The following TTC39B variants were observed in gnomAD, a reference collection of about 807,000 sequenced individuals.
The protein encoded by TTC39B is tetratricopeptide repeat protein 39B.
A neutral mutation model predicts 96.6 loss-of-function variants in TTC39B; 92 were observed. The ratio of observed to expected loss-of-function variants is 0.95; its 90% CI spans 0.80 to 1.13. TTC39B has a LOEUF of 1.13. Among genes scored for constraint, TTC39B ranks in the 50% most tolerant of loss-of-function variants. TTC39B has a pLI of 0.00. For missense variants in TTC39B, 955 were observed against 809.3 expected (o/e 1.18, Z -2.18); for synonymous variants, 367 against 299.4 (o/e 1.23, Z -2.33).
At chr9:15,215,389 C>T (rs933860153) in intron 3 of TTC39B, among the ~76,000 whole-genome samples, 1 of 151,744 alleles carries the variant, frequency 6.6e-6, no homozygotes, top group East Asian at 1.9e-4. Flanking sequence ...GAAACCCCGT[C>T]TCTACTAAAA....
At chr9:15,174,445 T>C (rs1267708313) in intron 19 of TTC39B, among the ~76,000 whole-genome samples, 2 of 152,188 alleles carry the variant, frequency 1.3e-5, no homozygotes, top group African/African-American at 4.8e-5. Context: ...GTCTAAAAGC[T>C]ATTGTCTACC....
At chr9:15,259,188 C>A (rs1822859301) in intron 2 of TTC39B, among the ~76,000 whole-genome samples, 1 of 152,122 alleles carries the variant, frequency 6.6e-6, no homozygotes. Flanking sequence ...TATCCCTAAC[C>A]CCAAGATACA....
rs574145226 is a variant in TTC39B at position 15,228,890 on chromosome 9, A to G, written c.276-2878T>C. 4.6e-5 allele frequency among the ~76,000 whole-genome samples: 7 copies of G among 152,340 alleles called. No individual in the cohort carries two copies. In the South Asian group the frequency reaches 1.2e-3, roughly 27 times the overall value. On this transcript the variant is annotated intron_variant, in intron 2 of 19. Transcript: ENST00000512701. ...AACAAAATAATGTTACATTTTATTC[A>G]TCTTTTCTGAGGTATAAAAGATTAG...
chr9:15,186,943 C>A lies in TTC39B; in HGVS notation c.1487+1G>T. On this transcript the variant is annotated splice_donor_variant, in intron 15 of 19. Coordinates refer to ENST00000512701, the Ensembl canonical transcript of TTC39B. LOFTEE classifies it high-confidence loss of function. ...TGTTATAGGAATAGTGTCTCACATA[C>A]CTGAATAAAGTTACCACATTCTCAT... The A allele has an allele frequency of 6.2e-7, 1 of 1,613,132 alleles. No individual in the cohort carries two copies. The highest frequency in any genetic ancestry group is 8.5e-7 in the Non-Finnish European group (1 of 1,179,252).
intron 2 of TTC39B, among the ~76,000 whole-genome samples, chr9:15,255,467 G>A (rs945932861): frequency 2.6e-5 from 4 of 152,110 alleles, no homozygotes; most frequent in African/African-American, 9.7e-5. Flanking sequence ...AAGCAATGAA[G>A]AAGTTTGGCG....
At chr9:15,199,770 C>CAAAAAAAAA in intron 8 of TTC39B, 91 bp downstream of exon 8, 1 of 127,364 alleles carries the variant, frequency 7.9e-6, no homozygotes, top group Non-Finnish European at 1.7e-5. Context: ...AAAAAAAAAT[C>CAAAAAAAAA]CTAGTCAAAC....
chr9:15,195,100 C>T (rs1819078559), intron 8 of TTC39B, among the ~76,000 whole-genome samples: 1 of 152,142 alleles, frequency 6.6e-6, no homozygotes, highest in African/African-American at 2.4e-5. Flanking sequence ...CTTGTAAGTG[C>T]AAAAGAAAAG....
chr9:15,200,000 G>C, intron 7 of TTC39B, 75 bp from the exon 8 acceptor site: 1 of 791,756 alleles, frequency 1.3e-6, no homozygotes, highest in Non-Finnish European at 2.0e-6. Context: ...GTGTGTTTGT[G>C]TGATTAGAAA....
At chr9:15,176,248 A>G (rs938557803) in intron 18 of TTC39B, among the ~76,000 whole-genome samples, 1 of 152,236 alleles carries the variant, frequency 6.6e-6, no homozygotes, top group Admixed American at 6.5e-5. Context: ...CCACAATTAT[A>G]AAGCACATGA....
intron 1 of TTC39B, among the ~76,000 whole-genome samples, chr9:15,292,729 A>G (rs986216348): frequency 1.3e-5 from 2 of 152,208 alleles, no homozygotes; most frequent in Admixed American, 6.5e-5. Context: ...AAAGTTTACA[A>G]GTAAGAGTAA....
At chr9:15,204,969 T>C (rs1346444752) in intron 6 of TTC39B, among the ~76,000 whole-genome samples, 3 of 152,224 alleles carry the variant, frequency 2.0e-5, no homozygotes, top group African/African-American at 7.2e-5. Context: ...AGTCAGCAGA[T>C]TCTTGCTCTA....
chr9:15,177,921 G>C (rs1237851589), intron 17 of TTC39B, 107 bp from the exon 18 acceptor site: 2 of 622,346 alleles, frequency 3.2e-6, no homozygotes, highest in Non-Finnish European at 5.1e-6. Flanking sequence ...CCAGGCTGGA[G>C]TGCAGTGGCG....
chr9:15,203,229 G>A (rs967042449), intron 7 of TTC39B, among the ~76,000 whole-genome samples: 6 of 152,048 alleles, frequency 3.9e-5, no homozygotes, highest in African/African-American at 7.2e-5. Flanking sequence ...TAGATGTGAC[G>A]GTTGCAAAGC....
At chr9:15,222,219 G>T (rs1027604054) in intron 3 of TTC39B, among the ~76,000 whole-genome samples, 5 of 152,184 alleles carry the variant, frequency 3.3e-5, no homozygotes, top group Non-Finnish European at 1.5e-5. Flanking sequence ...ACACAAAGGA[G>T]GTAAAAGCTA....
At chr9:15,257,403 G>C (rs1435670146) in intron 2 of TTC39B, among the ~76,000 whole-genome samples, 1 of 152,030 alleles carries the variant, frequency 6.6e-6, no homozygotes, top group African/African-American at 2.4e-5. Context: ...TATAAGGTTT[G>C]GTTTACTATC....
intron 1 of TTC39B, among the ~76,000 whole-genome samples, chr9:15,298,373 C>T (rs1824457692): frequency 6.6e-6 from 1 of 152,130 alleles, no homozygotes; most frequent in African/African-American, 2.4e-5. Flanking sequence ...TTTCATACTG[C>T]TGTGAAGAAA....
chr9:15,189,695 G>T (rs1487635589), intron 12 of TTC39B, 30 bp downstream of exon 12: 1 of 1,614,008 alleles, frequency 6.2e-7, no homozygotes, highest in African/African-American at 1.3e-5. Flanking sequence ...AATTATGGTT[G>T]AAACATACAC....
exon 20 of TTC39B, chr9:15,166,982 T>TTTTTTTTTA (rs1387664027): frequency 5.9e-4 from 12 of 20,280 alleles, no homozygotes; most frequent in Non-Finnish European, 7.9e-4. Context: ...AACCTTTATT[T>TTTTTTTTTA]TATATATATA....
At chr9:15,211,372 A>G in exon 5 of TTC39B, 1 of 1,591,524 alleles carries the variant, frequency 6.3e-7, no homozygotes, top group Non-Finnish European at 8.5e-7. Context: ...CTGTAGCCCA[A>G]GGCATGGTAC....
Sources: allele counts gnomAD v4.1 joint callset (sites outside exome capture counted in the v4.1 genomes callset), GRCh38; gene constraint gnomAD v4.1.1; transcripts MANE v1.5; gene names NCBI Gene and HGNC (gene_info 2026-07-23, HGNC 2026-07-21).